PRKD3: variants seen among roughly 807,000 people sequenced by gnomAD.
PRKD3 encodes serine/threonine-protein kinase D3.
PRKD3 carries 47 observed loss-of-function variants against 99.2 expected under a neutral mutation model. The ratio of observed to expected loss-of-function variants is 0.47; its 90% confidence interval spans 0.38 to 0.60. PRKD3 has a LOEUF of 0.60. Ranked by LOEUF, PRKD3 falls within the 20% of genes least tolerant of loss-of-function variation. The pLI is 0.00. For synonymous variants in PRKD3, 392 were observed against 355.4 expected, an observed-to-expected ratio of 1.10 and a Z score of -1.16; for missense variants, 1,019 against 1,088.4, an observed-to-expected ratio of 0.94 and a Z score of 0.90.
chr2:37,287,694 C>T (rs1417469464), intron 5 of PRKD3, among the ~76,000 whole-genome samples: 2 of 152,106 alleles, frequency 1.3e-5, no homozygotes, highest in South Asian at 2.1e-4. Context: ...GCCTGGCATA[C>T]AATAATCGGT....
chr2:37,293,229 G>T lies in PRKD3; in HGVS notation c.331C>A (p.Leu111Ile). 6.2e-7 allele frequency: 1 copy of T among 1,603,902 alleles called. No individual in the cohort carries two copies. Among genetic ancestry groups the T allele is most frequent in the Non-Finnish European group, 8.5e-7 (1 of 1,172,244 alleles). Residue 111 changes from leucine to isoleucine, a missense_variant, in exon 3 of 19, where the codon CTC becomes ATC. Physicochemically the swap from Leu to Ile is conservative, Grantham distance 5. Transcript: ENST00000234179. ...TCTGAGTTCATGTCATGGCGAAAGA[G>T]AAGAATTTTGTCATACATGCCAAAG... ...GFFGMYDKIL[L>I]FRHDMNSENI...
At chr2:37,322,806 G>A (rs1671941719) in intron 1 of PRKD3, among the ~76,000 whole-genome samples, 1 of 152,104 alleles carries the variant, frequency 6.6e-6, no homozygotes, top group South Asian at 2.1e-4. Flanking sequence ...CATAATCAGC[G>A]AGACTCAAAG....
intron 14 of PRKD3, among the ~76,000 whole-genome samples, chr2:37,261,579 G>A (rs953542499): frequency 6.6e-5 from 10 of 151,860 alleles, no homozygotes; most frequent in East Asian, 1.9e-4. Context: ...TCGGGAGTTC[G>A]AGACCAGCCT....
In PRKD3 at chr2:37,316,232, A is replaced by T. The variant is rs773790137; in HGVS notation, c.288+5T>A. The T allele has an allele frequency of 6.2e-7, 1 of 1,603,432 alleles. No individual in the cohort carries two copies. The highest frequency in any genetic ancestry group is 1.1e-5 in the South Asian group (1 of 90,776). The stretch of plus-strand genomic sequence containing the variant: ...ATTTACTACTGATAATAGCACACAC[A>T]GTACCTTTTGATAAACTATGGAGCA... On this transcript the variant is annotated splice_donor_5th_base_variant and intron_variant, in intron 2 of 18. Coordinates refer to ENST00000234179, the MANE Select transcript of PRKD3 (RefSeq NM_005813.6).
intron 1 of PRKD3, chr2:37,324,276 G>A (rs776162404): frequency 1.1e-5 from 11 of 970,134 alleles, no homozygotes; most frequent in Non-Finnish European, 1.3e-5. Context: ...CGAGCGCCGC[G>A]GGTCTGGCTT....
intron 9 of PRKD3, among the ~76,000 whole-genome samples, chr2:37,276,634 T>C (rs1669582590): frequency 6.6e-6 from 1 of 152,040 alleles, no homozygotes; most frequent in Admixed American, 6.6e-5. Flanking sequence ...TTTTGCCACA[T>C]ATCATTTTTT....
In PRKD3 at chr2:37,252,083, T is replaced by C. The variant is rs1162520600; in HGVS notation, c.*1094A>G. ...TGCTGATAATACAGCCCCAGCCTTA[T>C]AAACTGTTTCATGCTCCACTCCTAC... On this transcript the variant is annotated 3_prime_UTR_variant, in exon 19 of 19. Coordinates refer to ENST00000234179, the MANE Select transcript of PRKD3 (RefSeq NM_005813.6). 1 of 152,162 alleles carries C rather than the reference T, an allele frequency of 6.6e-6. No homozygotes were observed. Among genetic ancestry groups the C allele is most frequent in the Non-Finnish European group, 1.5e-5 (1 of 68,014 alleles). The allele number at this position is 152,162 out of a possible 1,614,324, so 9.4% of individuals were successfully genotyped here. A position where few individuals can be genotyped will look rare whatever the true frequency, so the allele number is the denominator to read the frequency against.
intron 11 of PRKD3, among the ~76,000 whole-genome samples, chr2:37,274,208 T>C (rs959795665): frequency 3.3e-5 from 5 of 152,208 alleles, no homozygotes; most frequent in African/African-American, 9.6e-5. Context: ...AAACTGACTC[T>C]GGAGCCTAGC....
chr2:37,287,162 G>A lies in PRKD3; in HGVS notation c.718-793C>T, dbSNP rs550548544. Among the ~76,000 whole-genome samples, 10 of 138,458 alleles carry A rather than the reference G, an allele frequency of 7.2e-5. 1 individual carries two copies. In the South Asian group the frequency reaches 2.4e-3, roughly 33 times the overall value. The allele number at this position is 138,458 out of a possible 152,430, so 90.8% of individuals were successfully genotyped here. ...GAAGAATCGCTTGAACCCAGGAGGT[G>A]GAGGTTCCGGTAAGCCGAGATCATG... On this transcript the variant is annotated intron_variant, in intron 5 of 18. Transcript: ENST00000234179.
At chr2:37,254,318 G>C in intron 17 of PRKD3, 29 bp from the exon 18 acceptor site, 1 of 1,569,524 alleles carries the variant, frequency 6.4e-7, no homozygotes, top group Non-Finnish European at 8.8e-7. Context: ...CAAGATACAT[G>C]AATTTGGGTG....
chr2:37,289,763 T>G (rs374782566), intron 4 of PRKD3, among the ~76,000 whole-genome samples: 25 of 152,174 alleles, frequency 1.6e-4, no homozygotes, highest in South Asian at 1.2e-3. Flanking sequence ...ACCTGGAAAT[T>G]TGTTAGAAAT....
intron 7 of PRKD3, among the ~76,000 whole-genome samples, chr2:37,281,743 A>G (rs1405178436): frequency 2.0e-5 from 3 of 152,222 alleles, no homozygotes; most frequent in African/African-American, 7.2e-5. Flanking sequence ...ACAAGCCACA[A>G]GAGAAAATGT....
chr2:37,302,878 A>AC (rs1256279653), intron 2 of PRKD3, among the ~76,000 whole-genome samples: 4 of 152,132 alleles, frequency 2.6e-5, no homozygotes, highest in Non-Finnish European at 4.4e-5. Flanking sequence ...TCCTGGCGAA[A>AC]CCCCACCTTC....
chr2:37,253,548 A>G (rs914543637), intron 18 of PRKD3, 198 bp from the exon 19 acceptor site: 6 of 486,238 alleles, frequency 1.2e-5, no homozygotes, highest in African/African-American at 1.2e-4. Context: ...TTTCAAACTC[A>G]GAGTCTCCAA....
intron 4 of PRKD3, 25 bp from the exon 5 acceptor site, chr2:37,289,538 T>G (rs768975998): frequency 6.4e-7 from 1 of 1,556,446 alleles, no homozygotes; most frequent in Non-Finnish European, 8.7e-7. Context: ...CAAGGTAAAA[T>G]ATAAGATTTA....
intron 2 of PRKD3, among the ~76,000 whole-genome samples, chr2:37,298,330 T>C (rs536033079): frequency 2.2e-4 from 33 of 151,766 alleles, no homozygotes; most frequent in Non-Finnish European, 4.4e-4. Context: ...TTTACACAAA[T>C]GGCAGCACAC....
intron 1 of PRKD3, chr2:37,324,386 GC>G (rs1672024453): frequency 5.0e-6 from 1 of 200,550 alleles, no homozygotes; most frequent in Non-Finnish European, 8.9e-6. Context: ...CCGCGCGGAC[GC>G]CGGAACTTGG....
At chr2:37,311,943 C>A (rs576295967) in intron 2 of PRKD3, among the ~76,000 whole-genome samples, 1 of 152,324 alleles carries the variant, frequency 6.6e-6, no homozygotes, top group East Asian at 1.9e-4. Context: ...ACCACTGTTA[C>A]AAATCAAGTC....
chr2:37,320,714 G>A (rs28710795), intron 1 of PRKD3, among the ~76,000 whole-genome samples: 6,669 of 152,140 alleles, frequency 0.044, 160 homozygotes, highest in African/African-American at 0.051. Flanking sequence ...TTACAGGCGT[G>A]AGCCACTGCA....
Sources: allele counts gnomAD v4.1 joint callset (sites outside exome capture counted in the v4.1 genomes callset), GRCh38; gene constraint gnomAD v4.1.1; transcripts MANE v1.5; gene names NCBI Gene and HGNC (gene_info 2026-07-23, HGNC 2026-07-21).